The following XRN2 variants were observed in gnomAD, a reference collection of about 807,000 sequenced individuals.
The protein encoded by XRN2 is DHM1-like protein.
Under a neutral mutation model 138.5 loss-of-function variants are expected in XRN2, and 44 were observed. The observed-to-expected ratio is 0.32, with a 90% confidence interval of 0.25 to 0.41. The LOEUF (loss-of-function observed/expected upper bound fraction) is 0.41. Among genes scored for constraint, XRN2 ranks in the 10% least tolerant of loss-of-function variants. XRN2 has a pLI of 1.00. For synonymous variants in XRN2, 354 were observed against 369.4 expected (o/e 0.96, Z 0.48); for missense variants, 937 against 1,169.3 (o/e 0.80, Z 2.90).
In XRN2 at chr20:21,304,620, T is replaced by C. The variant is rs143832368; in HGVS notation, c.75+1147T>C. Reference sequence around the variant, plus strand: ...CTCTAAGTATCATACTTATACGTTATCACTTTTAGATCTGTTGAATTCTAG... The same window carrying C: ...CTCTAAGTATCATACTTATACGTTACCACTTTTAGATCTGTTGAATTCTAG... On this transcript the variant is annotated intron_variant, in intron 1 of 29. Coordinates refer to ENST00000377191, the MANE Select transcript of XRN2 (RefSeq NM_012255.5). Among the ~76,000 whole-genome samples, 662 of 152,350 alleles carry C rather than the reference T, an allele frequency of 4.3e-3. 5 individuals are homozygous for C. Among genetic ancestry groups the C allele is most frequent in the Middle Eastern group, 0.02 (6 of 294 alleles).
intron 29 of XRN2, among the ~76,000 whole-genome samples, chr20:21,388,294 G>T (rs6035865): frequency 0.68 from 103,049 of 152,152 alleles, 35,640 homozygotes; most frequent in South Asian, 0.84. Flanking sequence ...CCTTTTAAAG[G>T]AACTCTGTGC....
chr20:21,330,466 G>A lies in XRN2; in HGVS notation c.428-15G>A, dbSNP rs776213523. The A allele has an allele frequency of 6.2e-7, 1 of 1,612,488 alleles. No homozygotes were observed. The highest frequency in any genetic ancestry group is 1.7e-5 in the Admixed American group (1 of 59,862). ...CTTTTTATGGGGAGAACAAAACGTT[G>A]CCTCTTTTCTCTAGGTGGCTTTCTT... On this transcript the variant is annotated splice_polypyrimidine_tract_variant and intron_variant, in intron 4 of 29. Coordinates refer to ENST00000377191, the MANE Select transcript of XRN2 (RefSeq NM_012255.5).
At chr20:21,303,721 T>C in intron 1 of XRN2, 1 of 1,242,074 alleles carries the variant, frequency 8.1e-7, no homozygotes, top group Non-Finnish European at 1.0e-6. Context: ...CGCAGGAGGG[T>C]CGCTCCTCCC....
At chr20:21,304,005 T>G (rs1043186067) in intron 1 of XRN2, among the ~76,000 whole-genome samples, 3 of 152,232 alleles carry the variant, frequency 2.0e-5, no homozygotes, top group African/African-American at 7.2e-5. Context: ...CTGGTTAGAT[T>G]GGACGCTGAA....
At chr20:21,378,449 G>C (rs1318869634) in intron 27 of XRN2, among the ~76,000 whole-genome samples, 2 of 152,184 alleles carry the variant, frequency 1.3e-5, no homozygotes, top group African/African-American at 4.8e-5. Flanking sequence ...GTGGTTACGG[G>C]GACATAGCCC....
intron 27 of XRN2, 109 bp from the exon 28 acceptor site, chr20:21,381,885 T>C (rs1369952843): frequency 5.9e-6 from 5 of 849,560 alleles, no homozygotes; most frequent in Non-Finnish European, 6.8e-6. Context: ...TTATTTGGTT[T>C]ACAGTCTTTC....
intron 29 of XRN2, among the ~76,000 whole-genome samples, chr20:21,387,802 C>T (rs1369612965): frequency 3.9e-5 from 6 of 152,168 alleles, no homozygotes; most frequent in African/African-American, 4.8e-5. Context: ...CCTGGTGTTG[C>T]CTCCAGGCCT....
At chr20:21,377,242 A>G (rs762957904) in intron 27 of XRN2, among the ~76,000 whole-genome samples, 10 of 129,918 alleles carry the variant, frequency 7.7e-5, no homozygotes, top group Admixed American at 7.5e-4. Context: ...GCATAGTCCA[A>G]CATATGATTT....
chr20:21,321,379 G>A (rs561720353), intron 1 of XRN2, among the ~76,000 whole-genome samples: 1 of 150,142 alleles, frequency 6.7e-6, no homozygotes, highest in East Asian at 2.0e-4. Context: ...CTAGGCTATA[G>A]TGCAGTAGTG....
At chr20:21,353,602 G>A (rs963681813) in intron 20 of XRN2, among the ~76,000 whole-genome samples, 4 of 151,858 alleles carry the variant, frequency 2.6e-5, no homozygotes, top group Non-Finnish European at 5.9e-5. Context: ...ACCAGCCTGC[G>A]TAACACAAGG....
intron 22 of XRN2, among the ~76,000 whole-genome samples, 196 bp from the exon 23 acceptor site, chr20:21,356,390 A>T (rs890682137): frequency 3.9e-5 from 6 of 152,178 alleles, no homozygotes; most frequent in South Asian, 2.1e-4. Flanking sequence ...TAAATAATGT[A>T]TCAGAATTTC....
At chr20:21,366,169 A>T in intron 26 of XRN2, among the ~76,000 whole-genome samples, 1 of 118,024 alleles carries the variant, frequency 8.5e-6, no homozygotes. Flanking sequence ...TAGTTTATAT[A>T]ATATATATAA....
intron 12 of XRN2, 39 bp downstream of exon 12, chr20:21,334,033 T>C: frequency 6.2e-7 from 1 of 1,613,976 alleles, no homozygotes; most frequent in Non-Finnish European, 8.5e-7. Flanking sequence ...CAGAAGTATT[T>C]GCTTTTATAA....
intron 1 of XRN2, among the ~76,000 whole-genome samples, chr20:21,304,305 T>G (rs564506415): frequency 6.6e-6 from 1 of 152,258 alleles, no homozygotes; most frequent in South Asian, 2.1e-4. Context: ...CACTCCTTAG[T>G]TTTTGAAGGC....
intron 1 of XRN2, among the ~76,000 whole-genome samples, chr20:21,320,319 A>T (rs2038021779): frequency 2.4e-5 from 1 of 42,110 alleles, no homozygotes; most frequent in African/African-American, 5.8e-5. Flanking sequence ...ATTTATTTTG[A>T]GACGGAGTCT....
At chr20:21,343,858 GTTAA>G (rs2038402737) in intron 15 of XRN2, among the ~76,000 whole-genome samples, 1 of 150,934 alleles carries the variant, frequency 6.6e-6, no homozygotes, top group African/African-American at 2.4e-5. Flanking sequence ...CCCTAATAAT[GTTAA>G]TTGTTTTTAG....
At position 21,332,266 on chromosome 20, in the gene XRN2, T is replaced by C. The variant is rs777187104; in HGVS notation, c.701-17T>C. The stretch of plus-strand genomic sequence containing the variant: ...GAATACTCACTGTTCGATGTTTTTC[T>C]CATTGTTGATTGATAGCTGATCTCA... On this transcript the variant is annotated splice_polypyrimidine_tract_variant and intron_variant, in intron 8 of 29. Transcript: ENST00000377191. 2.5e-5 allele frequency: 40 copies of C among 1,604,990 alleles called. No individual in the cohort carries two copies. In the South Asian group the frequency reaches 4.4e-4, roughly 18 times the overall value.
intron 24 of XRN2, among the ~76,000 whole-genome samples, chr20:21,363,954 C>T (rs915048981): frequency 1.3e-5 from 2 of 151,462 alleles, no homozygotes; most frequent in Admixed American, 1.3e-4. Context: ...TTTTTTGAGA[C>T]GGAGTCTCAC....
intron 28 of XRN2, among the ~76,000 whole-genome samples, chr20:21,382,747 G>A (rs912652447): frequency 7.9e-5 from 12 of 152,170 alleles, no homozygotes; most frequent in African/African-American, 2.9e-4. Context: ...TAAGTTGTGT[G>A]CTCCTAAGTC....
Sources: gnomAD v4.1 joint callset for allele counts (sites outside exome capture counted in the v4.1 genomes callset) on GRCh38, gnomAD v4.1.1 for gene constraint, MANE v1.5 for transcripts, NCBI Gene and HGNC (gene_info 2026-07-23, HGNC 2026-07-21) for gene names.